Variants in NKX1-1 observed in about 807,000 individuals in gnomAD.
The protein encoded by NKX1-1 is NK1 homeobox 1.
Under a neutral mutation model 1.7 loss-of-function variants are expected in NKX1-1, and 7 were observed. The ratio of observed to expected loss-of-function variants is 4.22; its 90% confidence interval spans 2.40 to 7.92. The LOEUF is 7.92. NKX1-1 is among the 30% of genes most tolerant of loss of function. The probability of loss-of-function intolerance (pLI) is 0.00; values close to 1 mark genes in which losing one functional copy is unlikely to be tolerated. For missense variants in NKX1-1, 453 were observed against 171.5 expected, an observed-to-expected ratio of 2.64 and a Z score of -9.17; for synonymous variants, 242 against 85.3, an observed-to-expected ratio of 2.84 and a Z score of -10.13.
rs1232870320 is a variant in NKX1-1 at position 1,403,287 on chromosome 4, A to G, written c.992T>C (p.Leu331Pro). ...LSVCERLNLA[L>P]SLSLTETQVK... ...CTGCGTCTCGGTGAGGCTGAGCGAC[A>G]GCGCCAGGTTGAGGCGCTCGCACAC... is the stretch of plus-strand genomic sequence containing the variant. Residue 331 changes from leucine to proline, a missense_variant, in exon 2 of 2, where the codon CTG (leucine) becomes CCG (proline). Coordinates refer to ENST00000422806, the MANE Select transcript of NKX1-1 (RefSeq NM_001290079.1). The G allele has an allele frequency of 1.4e-6, 1 of 720,686 alleles. No individual in the cohort carries two copies. The highest frequency in any genetic ancestry group is 2.6e-6 in the Non-Finnish European group (1 of 390,080). 44.6% of individuals were successfully genotyped at this position (720,686 alleles called of 1,614,324 possible). A position where few individuals can be genotyped will look rare whatever the true frequency, so the allele number is the denominator to read the frequency against.
chr4:1,403,926 C>T, intron 1 of NKX1-1, 111 bp from the exon 2 acceptor site: 1 of 487,150 alleles, frequency 2.1e-6, no homozygotes, highest in Non-Finnish European at 3.6e-6. Context: ...CCGCCCCCTG[C>T]TCAGCGCCTC....
Position 1,403,753 on chromosome 4 carries a change from CGCT to C in NKX1-1, c.523_525del (p.Ser175del). On this transcript the variant is annotated inframe_deletion, in exon 2 of 2. Transcript: ENST00000422806. ...GCGCTCGGGCTGTGGCCGCCGCCGC[CGCT>C]GCTGTAGCCGTTGGTGTCGTTGGTC... 1.5e-6 allele frequency: 1 copy of C among 683,458 alleles called. No individual in the cohort carries two copies. The highest frequency in any genetic ancestry group is 2.1e-5 in the Admixed American group (1 of 48,474). The allele number at this position is 683,458 out of a possible 1,614,324, so 42.3% of individuals were successfully genotyped here. A position where few individuals can be genotyped will look rare whatever the true frequency, so the allele number is the denominator to read the frequency against.
In NKX1-1 at chr4:1,402,959, C is replaced by A. The variant is rs1000586819; in HGVS notation, c.1320G>T (p.Ala440=). The A allele has an allele frequency of 6.0e-6, 4 of 665,350 alleles. No individual in the cohort carries two copies. The Admixed American group carries it at 8.7e-5, about 14-fold the overall frequency. 41.2% of individuals were successfully genotyped at this position (665,350 alleles called of 1,614,324 possible). The part of the protein sequence containing the change: ...PFVLGSQTYG[A]PAFYAPHL The stretch of plus-strand genomic sequence containing the variant: ...AGAGGTGCGGCGCGTAGAAGGCGGG[C>A]GCCCCGTAGGTCTGCGAGCCCAGCA... The change falls in exon 2 of 2, where the codon GCG becomes GCT. Residue 440 remains alanine, a synonymous_variant. Transcript: ENST00000422806.
chr4:1,405,179 C>T (rs1720728279), intron 1 of NKX1-1, among the ~76,000 whole-genome samples: 1 of 152,166 alleles, frequency 6.6e-6, no homozygotes, highest in Non-Finnish European at 1.5e-5. Context: ...AGCCGGTGGC[C>T]GCGGCCCAGC....
rs1397814731 is a variant in NKX1-1 at position 1,403,749 on chromosome 4, C to A, written c.530G>T (p.Gly177Val). 1 of 684,340 alleles carries A rather than the reference C, an allele frequency of 1.5e-6. No homozygotes were observed. Among genetic ancestry groups the A allele is most frequent in the Non-Finnish European group, 2.6e-6 (1 of 377,842 alleles). The allele number at this position is 684,340 out of a possible 1,614,324, so 42.4% of individuals were successfully genotyped here. The change falls in exon 2 of 2, where the codon GGC (glycine) becomes GTC (valine). Residue 177 changes from glycine (G) to valine (V), a missense_variant. Gly to Val is a moderately radical substitution (Grantham distance 109). Coordinates refer to ENST00000422806, the MANE Select transcript of NKX1-1 (RefSeq NM_001290079.1). ...TNDTNGYSSG[G>V]GGHSPSADSG... ...GTCCGCGCTCGGGCTGTGGCCGCCG[C>A]CGCCGCTGCTGTAGCCGTTGGTGTC...
At chr4:1,404,339 G>A (rs1425333883) in intron 1 of NKX1-1, among the ~76,000 whole-genome samples, 1 of 152,244 alleles carries the variant, frequency 6.6e-6, no homozygotes, top group African/African-American at 2.4e-5. Context: ...CGGCGGTGGG[G>A]CCGGAGCCGG....
At chr4:1,404,636 G>A (rs1720720150) in intron 1 of NKX1-1, among the ~76,000 whole-genome samples, 1 of 152,230 alleles carries the variant, frequency 6.6e-6, no homozygotes, top group South Asian at 2.1e-4. Context: ...TGCATTTTGA[G>A]TCTCTGAAAT....
chr4:1,403,803 G>C lies in NKX1-1; in HGVS notation c.476C>G (p.Pro159Arg), dbSNP rs1323319689. The change falls in exon 2 of 2, where the codon CCC becomes CGC. Residue 159 changes from proline (P) to arginine (R), a missense_variant. By Grantham distance (103) the Pro-to-Arg change is moderately radical. Transcript: ENST00000422806. ...AGAEPPNAGDPFKAGEAETND... is the reference protein window; with the variant it reads ...AGAEPPNAGDRFKAGEAETND... ...GGTCTCGGCCTCCCCTGCCTTGAAGGGGTCGCCGGCGTCTGCGGGAGGGAG... is the reference window on the plus strand; with the variant it reads ...GGTCTCGGCCTCCCCTGCCTTGAAGCGGTCGCCGGCGTCTGCGGGAGGGAG... The C allele has an allele frequency of 1.5e-6, 1 of 673,326 alleles. No individual in the cohort carries two copies. The highest frequency in any genetic ancestry group is 2.7e-6 in the Non-Finnish European group (1 of 371,926). The allele number at this position is 673,326 out of a possible 1,614,324, so 41.7% of individuals were successfully genotyped here. A position where few individuals can be genotyped will look rare whatever the true frequency, so the allele number is the denominator to read the frequency against.
chr4:1,404,718 G>T (rs1252161475), intron 1 of NKX1-1, among the ~76,000 whole-genome samples: 1 of 152,270 alleles, frequency 6.6e-6, no homozygotes. Flanking sequence ...AGGAGGAGTC[G>T]GGGCAGGTGC....
At chr4:1,403,899 T>TC (rs931705548) in intron 1 of NKX1-1, 84 bp from the exon 2 acceptor site, 9 of 514,126 alleles carry the variant, frequency 1.8e-5, no homozygotes, top group Non-Finnish European at 2.8e-5. Context: ...CCCCGCTTCC[T>TC]CCCCCAGGGT....
rs1254345034 is a variant in NKX1-1, at chr4:1,403,518, G to A, written c.761C>T (p.Pro254Leu). Residue 254 changes from proline (P) to leucine (L), a missense_variant, in exon 2 of 2, where the codon CCC becomes CTC. Physicochemically the swap from Pro to Leu is moderately conservative, Grantham distance 98 (BLOSUM62 -3). Coordinates refer to ENST00000422806, the MANE Select transcript of NKX1-1 (RefSeq NM_001290079.1). ...ACCTCCCGGTGGGCCCTGGGCAACG[G>A]GCGAGTTCTCGCGGGGTCCGGGGGC... The part of the protein sequence containing the change: ...AAAPGPRENS[P>L]VAQGPPGGAA... 2 of 484,598 alleles carry A rather than the reference G, an allele frequency of 4.1e-6. No individual in the cohort carries two copies. Among genetic ancestry groups the A allele is most frequent in the East Asian group, 3.5e-5 (1 of 28,252 alleles). 30.0% of individuals were successfully genotyped at this position (484,598 alleles called of 1,614,324 possible). A position where few individuals can be genotyped will look rare whatever the true frequency, so the allele number is the denominator to read the frequency against.
rs1463664895 is a variant in NKX1-1, at chr4:1,406,029, G to A, written c.414C>T (p.Arg138=). The change falls in exon 1 of 2, where the codon CGC becomes CGT. Residue 138 remains arginine (R), a synonymous_variant. Transcript: ENST00000422806. ...RPPRAEELER[R]ALAGAGGVGA... ...CGACTCCCCCGGCGCCGGCGAGGGC[G>A]CGGCGCTCCAGCTCCTCCGCGCGTG... The A allele has an allele frequency of 2.1e-6, 1 of 478,084 alleles. No homozygotes were observed. Among genetic ancestry groups the A allele is most frequent in the South Asian group, 4.0e-5 (1 of 25,084 alleles). The allele number at this position is 478,084 out of a possible 1,614,324, so 29.6% of individuals were successfully genotyped here. A position where few individuals can be genotyped will look rare whatever the true frequency, so the allele number is the denominator to read the frequency against.
Position 1,406,195 on chromosome 4 carries a change from GAGA to G in NKX1-1, c.245_247del (p.Phe82del), listed in dbSNP as rs1274821564. The G allele has an allele frequency of 1.7e-6, 1 of 592,244 alleles. No homozygotes were observed. Among genetic ancestry groups the G allele is most frequent in the Admixed American group, 2.9e-5 (1 of 34,300 alleles). 36.7% of individuals were successfully genotyped at this position (592,244 alleles called of 1,614,324 possible). ...GTTGGGGTCCAGGATGTCCAGTACC[GAGA>G]AGGAGGTGGGGCGCAGGGGCGCTGC... On this transcript the variant is annotated inframe_deletion, in exon 1 of 2. Transcript: ENST00000422806.
At position 1,404,922 on chromosome 4, in the gene NKX1-1, AGCGC is replaced by A; in HGVS notation, c.463+1054_463+1057del. ...TAGGATCCGCCCCTAGACGACCGCGAGCGCCGTCCCAGCCCTGCCCCGGGTGCCT... is the reference window on the plus strand; with the variant it reads ...TAGGATCCGCCCCTAGACGACCGCGACGTCCCAGCCCTGCCCCGGGTGCCT... On this transcript the variant is annotated intron_variant, in intron 1 of 1. Coordinates refer to ENST00000422806, the MANE Select transcript of NKX1-1 (RefSeq NM_001290079.1). Among the ~76,000 whole-genome samples, 2 of 152,156 alleles carry A rather than the reference AGCGC, an allele frequency of 1.3e-5. 1 individual carries two copies. Among genetic ancestry groups the A allele is most frequent in the Middle Eastern group, 6.3e-3 (2 of 316 alleles).
At chr4:1,405,381 G>C (rs1384526937) in intron 1 of NKX1-1, among the ~76,000 whole-genome samples, 3 of 152,242 alleles carry the variant, frequency 2.0e-5, no homozygotes, top group Non-Finnish European at 4.4e-5. Context: ...TGTTCGGGGG[G>C]AGTTTGCAAG....
rs1577018049 is a variant in NKX1-1, at chr4:1,403,656, C to G, written c.623G>C (p.Arg208Pro). 2 of 621,868 alleles carry G rather than the reference C, an allele frequency of 3.2e-6. No homozygotes were observed. Among genetic ancestry groups the G allele is most frequent in the East Asian group, 6.8e-5 (2 of 29,566 alleles). The allele number at this position is 621,868 out of a possible 1,614,324, so 38.5% of individuals were successfully genotyped here. A position where few individuals can be genotyped will look rare whatever the true frequency, so the allele number is the denominator to read the frequency against. ...EDEAPETEAA[R>P]GAEEARGGGG... ...GCCTCCCCGCGCCTCCTCCGCGCCT[C>G]GCGCCGCCTCCGTCTCGGGCGCTTC... The change falls in exon 2 of 2, where the codon CGA becomes CCA. Residue 208 changes from arginine to proline, a missense_variant. By Grantham distance (103) the Arg-to-Pro change is moderately radical (BLOSUM62 -2). Coordinates refer to ENST00000422806, the MANE Select transcript of NKX1-1 (RefSeq NM_001290079.1).
In NKX1-1 at chr4:1,402,987, A is replaced by G. The variant is rs1462114836; in HGVS notation, c.1292T>C (p.Phe431Ser). 1.5e-6 allele frequency: 1 copy of G among 661,378 alleles called. No homozygotes were observed. Among genetic ancestry groups the G allele is most frequent in the Non-Finnish European group, 2.7e-6 (1 of 367,714 alleles). The allele number at this position is 661,378 out of a possible 1,614,324, so 41.0% of individuals were successfully genotyped here. The change falls in exon 2 of 2, where the codon TTC becomes TCC. Residue 431 changes from phenylalanine to serine, a missense_variant. By Grantham distance (155) the Phe-to-Ser change is radical (BLOSUM62 -2). Coordinates refer to ENST00000422806, the MANE Select transcript of NKX1-1 (RefSeq NM_001290079.1). Reference sequence around the variant, plus strand: ...CCCGTAGGTCTGCGAGCCCAGCACGAAGGGCGAGAGCACCGCCGGGCTCGA... The same window carrying G: ...CCCGTAGGTCTGCGAGCCCAGCACGGAGGGCGAGAGCACCGCCGGGCTCGA... ...FLSSPAVLSP[F>S]VLGSQTYGAP...
chr4:1,406,104 A>G lies in NKX1-1; in HGVS notation c.339T>C (p.Pro113=). The change falls in exon 1 of 2, where the codon CCT becomes CCC. Residue 113 remains proline (P), a synonymous_variant. Coordinates refer to ENST00000422806, the MANE Select transcript of NKX1-1 (RefSeq NM_001290079.1). The stretch of plus-strand genomic sequence containing the variant: ...CAGGGGCGCATGGGGCCGAAGCGCA[A>G]GGGGCGCACGCAGCGGGAGCCACTG... ...LGPVAPAACA[P]CASAPCAPAP... is the part of the protein sequence containing the mutation. The G allele has an allele frequency of 1.8e-6, 1 of 568,640 alleles. No homozygotes were observed. The highest frequency in any genetic ancestry group is 3.1e-6 in the Non-Finnish European group (1 of 320,552). 35.2% of individuals were successfully genotyped at this position (568,640 alleles called of 1,614,324 possible).
rs1489219887 is a variant in NKX1-1 at position 1,403,045 on chromosome 4, C to T, written c.1234G>A (p.Gly412Ser). 7.4e-6 allele frequency: 4 copies of T among 540,842 alleles called. No individual in the cohort carries two copies. Among genetic ancestry groups the T allele is most frequent in the Admixed American group, 3.8e-5 (1 of 26,446 alleles). The allele number at this position is 540,842 out of a possible 1,614,324, so 33.5% of individuals were successfully genotyped here. A position where few individuals can be genotyped will look rare whatever the true frequency, so the allele number is the denominator to read the frequency against. The change falls in exon 2 of 2, where the codon GGC (glycine) becomes AGC (serine). Residue 412 changes from glycine (G) to serine (S), a missense_variant. Coordinates refer to ENST00000422806, the MANE Select transcript of NKX1-1 (RefSeq NM_001290079.1). ...PAGYPAHGPG[G>S]LVCAAQLPFL... ...GGCAGCTGCGCGGCGCACACCAGGC[C>T]TCCGGGGCCGTGCGCCGGGTACCCG... is the stretch of plus-strand genomic sequence containing the variant.
Sources: gnomAD v4.1 joint callset for allele counts (sites outside exome capture counted in the v4.1 genomes callset) on GRCh38, gnomAD v4.1.1 for gene constraint, MANE v1.5 for transcripts, NCBI Gene and HGNC (gene_info 2026-07-23, HGNC 2026-07-21) for gene names.